The following CHFR variants were observed in gnomAD, a reference collection of about 807,000 sequenced individuals.
CHFR encodes E3 ubiquitin-protein ligase CHFR.
A neutral mutation model predicts 87.6 loss-of-function variants in CHFR; 57 were observed. The ratio of observed to expected loss-of-function variants is 0.65; its 90% CI spans 0.53 to 0.81. CHFR has a LOEUF of 0.81. Ranked by LOEUF, CHFR falls within the 30% of genes least tolerant of loss-of-function variation. The pLI is 0.00. For missense variants in CHFR, 797 were observed against 865.8 expected (o/e 0.92, Z 1.00); for synonymous variants, 381 against 359.2 (o/e 1.06, Z -0.69).
chr12:132,841,477 G>C lies in CHFR; in HGVS notation c.*77C>G, dbSNP rs1283042988. 4 of 1,305,894 alleles carry C rather than the reference G, an allele frequency of 3.1e-6. No individual in the cohort carries two copies. The highest frequency in any genetic ancestry group is 2.2e-6 in the Non-Finnish European group (2 of 899,514). The allele number at this position is 1,305,894 out of a possible 1,614,324, so 80.9% of individuals were successfully genotyped here. ...CCTCAGGGGGCTGTGAAAACACCTT[G>C]ACGTGCTTGTCTCTGTATTTTAAAA... On this transcript the variant is annotated 3_prime_UTR_variant, in exon 18 of 18. Coordinates refer to ENST00000450056, the MANE Select transcript of CHFR (RefSeq NM_001161346.2).
chr12:132,865,653 CTTTTTTTTTTT>C (rs57560560), intron 6 of CHFR, among the ~76,000 whole-genome samples: 3 of 58,218 alleles, frequency 5.2e-5, no homozygotes, highest in Non-Finnish European at 9.3e-5. Context: ...GATTACAGGT[CTTTTTTTTTTT>C]TTTTTTTTTT....
Position 132,848,665 on chromosome 12 carries a change from A to G in CHFR, c.1552T>C (p.Tyr518His). Residue 518 changes from tyrosine (Y) to histidine (H), a missense_variant, in exon 13 of 18, where the codon TAC becomes CAC. Transcript: ENST00000450056. ...LYWGCTRTGC[Y>H]GCLAPFCELN... ...CCACAAAACGGGGCCAGGCAGCCGT[A>G]GCAGCCGGTCCGGGTGCAGCCCCAG... 3.1e-6 allele frequency: 5 copies of G among 1,595,158 alleles called. No homozygotes were observed. Among genetic ancestry groups the G allele is most frequent in the Non-Finnish European group, 4.3e-6 (5 of 1,171,356 alleles).
At chr12:132,858,655 G>A (rs1811386847) in intron 8 of CHFR, among the ~76,000 whole-genome samples, 1 of 147,064 alleles carries the variant, frequency 6.8e-6, no homozygotes, top group African/African-American at 2.5e-5. Flanking sequence ...CTGAACCCGG[G>A]AGGCTGAGGT....
intron 3 of CHFR, among the ~76,000 whole-genome samples, chr12:132,875,051 G>T (rs1951599003): frequency 6.6e-6 from 1 of 152,198 alleles, no homozygotes; most frequent in African/African-American, 2.4e-5. Context: ...CCCAGGACCA[G>T]CACCCAGCAT....
chr12:132,863,546 C>A (rs945853951), intron 6 of CHFR, among the ~76,000 whole-genome samples: 1 of 151,926 alleles, frequency 6.6e-6, no homozygotes, highest in African/African-American at 2.4e-5. Context: ...CAAAAAAAAA[C>A]AGAAGTCTGT....
chr12:132,845,260 C>T (rs1388547555), intron 15 of CHFR, among the ~76,000 whole-genome samples: 4 of 151,682 alleles, frequency 2.6e-5, no homozygotes, highest in Admixed American at 2.6e-4. Flanking sequence ...TCGAGACCAG[C>T]CTAACCAAGA....
chr12:132,867,922 C>G (rs904694983), intron 6 of CHFR: 2 of 151,236 alleles, frequency 1.3e-5, no homozygotes, highest in Non-Finnish European at 2.9e-5. Flanking sequence ...AAAGCTAATT[C>G]AAAACATAAT....
At chr12:132,859,293 TC>T (rs1593478068) in intron 7 of CHFR, 66 bp from the exon 8 acceptor site, 8 of 1,468,562 alleles carry the variant, frequency 5.4e-6, no homozygotes, top group South Asian at 2.5e-5. Flanking sequence ...CAGGTCAAGG[TC>T]CCCGTCCACA....
At chr12:132,875,650 C>T (rs540624001) in intron 3 of CHFR, among the ~76,000 whole-genome samples, 1 of 152,280 alleles carries the variant, frequency 6.6e-6, no homozygotes, top group East Asian at 1.9e-4. Context: ...GGAATAGGCA[C>T]ATTCTGAGTA....
intron 2 of CHFR, among the ~76,000 whole-genome samples, chr12:132,879,020 T>C (rs1268189162): frequency 4.0e-5 from 6 of 149,456 alleles, no homozygotes; most frequent in Admixed American, 3.3e-4. Flanking sequence ...TTTTTTTTTT[T>C]TTGAGATGGA....
chr12:132,864,472 G>A (rs1254942477), intron 6 of CHFR, among the ~76,000 whole-genome samples: 2 of 147,394 alleles, frequency 1.4e-5, no homozygotes, highest in Admixed American at 6.9e-5. Flanking sequence ...ACAGATAGAA[G>A]AATTTTTATT....
chr12:132,833,885 G>A lies in CHFR; in HGVS notation c.*7669C>T, dbSNP rs1950630458. 6.6e-6 allele frequency: 1 copy of A among 152,342 alleles called. No individual in the cohort carries two copies. The highest frequency in any genetic ancestry group is 2.4e-5 in the African/African-American group (1 of 41,430). The allele number at this position is 152,342 out of a possible 1,614,324, so 9.4% of individuals were successfully genotyped here. ...CTGGTGGGAACAGTGTCCCAGGAGAGGGAAAGGCAAGGAGAACGAGTACTC... is the reference window on the plus strand; with the variant it reads ...CTGGTGGGAACAGTGTCCCAGGAGAAGGAAAGGCAAGGAGAACGAGTACTC... On this transcript the variant is annotated 3_prime_UTR_variant, in exon 18 of 18. Coordinates refer to ENST00000450056, the MANE Select transcript of CHFR (RefSeq NM_001161346.2).
At position 132,853,469 on chromosome 12, in the gene CHFR, A is replaced by G; in HGVS notation, c.1334T>C (p.Leu445Pro). ...GACGGACGTGGAGGGTGCATCCCCCAGGGCCTGTGGGGCTCCTGGCTCGCC... is the reference window on the plus strand; with the variant it reads ...GACGGACGTGGAGGGTGCATCCCCCGGGGCCTGTGGGGCTCCTGGCTCGCC... Reference protein sequence around the residue: ...PEGEPGAPQALGDAPSTSVSL... With the variant: ...PEGEPGAPQAPGDAPSTSVSL... Residue 445 changes from leucine to proline, a missense_variant, in exon 11 of 18, where the codon CTG becomes CCG. Physicochemically the swap from Leu to Pro is moderately conservative, Grantham distance 98. Transcript: ENST00000450056. The G allele has an allele frequency of 1.3e-6, 2 of 1,545,938 alleles. No homozygotes were observed. Among genetic ancestry groups the G allele is most frequent in the African/African-American group, 2.8e-5 (2 of 71,608 alleles).
rs866997220 is a variant in CHFR at position 132,837,188 on chromosome 12, C to T, written c.*4366G>A. 3 of 257,218 alleles carry T rather than the reference C, an allele frequency of 1.2e-5. No individual in the cohort carries two copies. The highest frequency in any genetic ancestry group is 5.1e-5 in the Admixed American group (1 of 19,454). The allele number at this position is 257,218 out of a possible 1,614,324, so 15.9% of individuals were successfully genotyped here. A position where few individuals can be genotyped will look rare whatever the true frequency, so the allele number is the denominator to read the frequency against. On this transcript the variant is annotated 3_prime_UTR_variant, in exon 18 of 18. Transcript: ENST00000450056. Reference sequence around the variant, plus strand: ...CTGAGGGGTGGAGGCAGGGGTCATACATGCTGGGCCTTCAAGGGCCATGAT... The same window carrying T: ...CTGAGGGGTGGAGGCAGGGGTCATATATGCTGGGCCTTCAAGGGCCATGAT...
Position 132,870,739 on chromosome 12 carries a change from T to A in CHFR, c.388A>T (p.Thr130Ser). ...TCTTACTTACCAAAGGATTCTTGTG[T>A]CATGCCTTGCTTTTCACTTAAAGAT... ...YESLSEKQGM[T>S]QESFDTSGAG... The change falls in exon 5 of 18, where the codon ACA (threonine) becomes TCA (serine). Residue 130 changes from threonine to serine, a missense_variant. By Grantham distance (58) the Thr-to-Ser change is moderately conservative. Coordinates refer to ENST00000450056, the MANE Select transcript of CHFR (RefSeq NM_001161346.2). The A allele has an allele frequency of 6.2e-7, 1 of 1,610,130 alleles. No individual in the cohort carries two copies. The highest frequency in any genetic ancestry group is 8.5e-7 in the Non-Finnish European group (1 of 1,176,448).
In CHFR at chr12:132,851,718, G is replaced by A. The variant is rs1306934237; in HGVS notation, c.1392C>T (p.Cys464=). 1.2e-6 allele frequency: 2 copies of A among 1,613,292 alleles called. No homozygotes were observed. The highest frequency in any genetic ancestry group is 1.7e-6 in the Non-Finnish European group (2 of 1,179,778). Residue 464 remains cysteine (C), a synonymous_variant, in exon 12 of 18, where the codon TGC becomes TGT. Transcript: ENST00000450056. The part of the protein sequence containing the change: ...SLTTAVQDYV[C]PLQGSHALCT... ...ACAGGGCGTGGCTTCCTTGCAGAGGGCACACGTAATCCTGGACTGCTGAAG... is the reference window on the plus strand; with the variant it reads ...ACAGGGCGTGGCTTCCTTGCAGAGGACACACGTAATCCTGGACTGCTGAAG...
Position 132,857,023 on chromosome 12 carries a change from G to A in CHFR, c.1066+382C>T, listed in dbSNP as rs1258636775. 1.5e-4 allele frequency among the ~76,000 whole-genome samples: 17 copies of A among 115,992 alleles called. 1 individual carries two copies. Among genetic ancestry groups the A allele is most frequent in the African/African-American group, 5.9e-4 (17 of 28,728 alleles). 76.1% of individuals were successfully genotyped at this position (115,992 alleles called of 152,430 possible). A position where few individuals can be genotyped will look rare whatever the true frequency, so the allele number is the denominator to read the frequency against. On this transcript the variant is annotated intron_variant, in intron 9 of 17. Coordinates refer to ENST00000450056, the MANE Select transcript of CHFR (RefSeq NM_001161346.2). The stretch of plus-strand genomic sequence containing the variant: ...TGTGGATGCCCTCACGTGCCTGGGT[G>A]CTGGTGGAGGGACCACCCTCACGTG...
chr12:132,862,607 T>TTGAGACGGACTCTTGC (rs1951239110), intron 6 of CHFR, among the ~76,000 whole-genome samples: 1 of 152,102 alleles, frequency 6.6e-6, no homozygotes, highest in African/African-American at 2.4e-5. Context: ...ATTTTTTTTT[T>TTGAGACGGACTCTTGC]TGAGACGGAC....
In CHFR at chr12:132,837,103, T is replaced by G. The variant is rs1226402752; in HGVS notation, c.*4451A>C. 3.2e-6 allele frequency: 1 copy of G among 310,340 alleles called. No homozygotes were observed. Among genetic ancestry groups the G allele is most frequent in the Non-Finnish European group, 6.3e-6 (1 of 159,300 alleles). 19.2% of individuals were successfully genotyped at this position (310,340 alleles called of 1,614,324 possible). ...TGTTTGTGAGAATTAGCTGGTTCGG[T>G]GGAGAAGCAGAGGAACACCTGAGGG... On this transcript the variant is annotated 3_prime_UTR_variant, in exon 18 of 18. Transcript: ENST00000450056.
Sources: allele counts gnomAD v4.1 joint callset (sites outside exome capture counted in the v4.1 genomes callset), GRCh38; gene constraint gnomAD v4.1.1; transcripts MANE v1.5; gene names NCBI Gene and HGNC (gene_info 2026-07-23, HGNC 2026-07-21).